LRP2BP: variants seen among roughly 807,000 people sequenced by gnomAD.
The protein encoded by LRP2BP is LRP2-binding protein.
LRP2BP carries 38 observed loss-of-function variants against 45.2 expected under a neutral mutation model. That is an observed-to-expected ratio of 0.84 (90% CI 0.65 to 1.10). The LOEUF (loss-of-function observed/expected upper bound fraction) is 1.10. LRP2BP is among the 50% of genes least tolerant of loss of function. The pLI is 0.00. For missense variants in LRP2BP, 385 were observed against 418.9 expected (o/e 0.92, Z 0.71); for synonymous variants, 153 against 153.9 (o/e 0.99, Z 0.04).
In LRP2BP at chr4:185,363,987, T is replaced by A. The variant is rs2095377701; in HGVS notation, c.*3193A>T. On this transcript the variant is annotated 3_prime_UTR_variant, in exon 9 of 9. Transcript: ENST00000505916. The surrounding 1 kb of genome is among the most constrained non-coding windows in gnomAD (Gnocchi z 4.2). Reference sequence around the variant, plus strand: ...ATGAATCACAGTGCTCTATGATATTTAAGATACTTATATCTCAAAGAGGTT... The same window carrying A: ...ATGAATCACAGTGCTCTATGATATTAAAGATACTTATATCTCAAAGAGGTT... 1 of 153,036 alleles carries A rather than the reference T, an allele frequency of 6.5e-6. No individual in the cohort carries two copies. The highest frequency in any genetic ancestry group is 2.1e-4 in the South Asian group (1 of 4,846). The allele number at this position is 153,036 out of a possible 1,614,324, so 9.5% of individuals were successfully genotyped here.
At chr4:185,393,977 G>C (rs1474840590) in intron 1 of LRP2BP, among the ~76,000 whole-genome samples, 1 of 152,026 alleles carries the variant, frequency 6.6e-6, no homozygotes, top group Non-Finnish European at 1.5e-5. Context: ...ACTCTTTTGC[G>C]GCCAGGCATG....
intron 1 of LRP2BP, among the ~76,000 whole-genome samples, chr4:185,385,764 G>A (rs917601162): frequency 2.6e-5 from 4 of 152,164 alleles, no homozygotes; most frequent in South Asian, 2.1e-4. Flanking sequence ...AGCTGGGTGC[G>A]GTAGTAGGCG....
rs575590557 is a variant in LRP2BP at position 185,394,918 on chromosome 4, T to C, written c.-161A>G. The C allele has an allele frequency of 7.1e-6, 7 of 985,352 alleles. No individual in the cohort carries two copies. Among genetic ancestry groups the C allele is most frequent in the Non-Finnish European group, 8.4e-6 (7 of 829,954 alleles). The allele number at this position is 985,352 out of a possible 1,614,324, so 61.0% of individuals were successfully genotyped here. ...AATATGCATCTTAGATCATCTTCCGTTTTAGAAAATTGATCCCACCTGCTA... is the reference window on the plus strand; with the variant it reads ...AATATGCATCTTAGATCATCTTCCGCTTTAGAAAATTGATCCCACCTGCTA... On this transcript the variant is annotated 5_prime_UTR_variant, in exon 1 of 9. Coordinates refer to ENST00000505916, the MANE Select transcript of LRP2BP (RefSeq NM_001377440.1).
chr4:185,367,303 C>CA, intron 8 of LRP2BP, 58 bp from the exon 9 acceptor site: 1 of 1,105,342 alleles, frequency 9.0e-7, no homozygotes, highest in Non-Finnish European at 1.3e-6. Flanking sequence ...GGTCTTTCTT[C>CA]TTTTTTTTTT....
intron 1 of LRP2BP, among the ~76,000 whole-genome samples, chr4:185,381,236 T>C (rs916801302): frequency 6.6e-6 from 1 of 152,244 alleles, no homozygotes; most frequent in African/African-American, 2.4e-5. Flanking sequence ...TGACATTGAT[T>C]CATCCATTTT....
intron 1 of LRP2BP, among the ~76,000 whole-genome samples, chr4:185,383,637 G>C (rs2126826340): frequency 6.6e-6 from 1 of 152,334 alleles, no homozygotes; most frequent in East Asian, 1.9e-4. Context: ...TCAGGAACTT[G>C]GCACTTCCAT....
upstream of LRP2BP, chr4:185,396,822 C>G (rs1240390113): frequency 1.5e-6 from 2 of 1,300,444 alleles, no homozygotes; most frequent in African/African-American, 1.5e-5. Context: ...TTTAAATTCT[C>G]CCGTGCTAGG....
At chr4:185,370,976 A>G in intron 7 of LRP2BP, 162 bp from the exon 8 acceptor site, 3 of 632,040 alleles carry the variant, frequency 4.7e-6, no homozygotes. Flanking sequence ...TAGGCACCTC[A>G]TACCAGGAGA....
chr4:185,375,858 A>G (rs73029523), intron 3 of LRP2BP, 132 bp from the exon 4 acceptor site: 28,553 of 493,030 alleles, frequency 0.058, 1,147 homozygotes, highest in African/African-American at 0.13. Context: ...ATCTGAACCC[A>G]TGCCCCACGC....
intron 7 of LRP2BP, among the ~76,000 whole-genome samples, chr4:185,371,975 G>A (rs2095417637): frequency 6.6e-6 from 1 of 152,192 alleles, no homozygotes; most frequent in Admixed American, 6.5e-5. Flanking sequence ...ACCCAGGTCT[G>A]TCTCCCCGAC....
chr4:185,391,674 C>G (rs1205690507), intron 1 of LRP2BP, among the ~76,000 whole-genome samples: 1 of 152,198 alleles, frequency 6.6e-6, no homozygotes, highest in Admixed American at 6.5e-5. Context: ...CTTACTGGAA[C>G]AAGTACCAGT....
Position 185,367,203 on chromosome 4 carries a change from A to T in LRP2BP, c.1021T>A (p.Leu341Ile). The T allele has an allele frequency of 6.2e-7, 1 of 1,613,462 alleles. No individual in the cohort carries two copies. The highest frequency in any genetic ancestry group is 8.5e-7 in the Non-Finnish European group (1 of 1,179,600). The change falls in exon 9 of 9, where the codon TTA becomes ATA. Residue 341 changes from leucine to isoleucine, a missense_variant. Physicochemically the swap from Leu to Ile is conservative, Grantham distance 5. Transcript: ENST00000505916. Reference protein sequence around the residue: ...NPALADELHSLLIRQRI With the variant: ...NPALADELHSILIRQRI Reference sequence around the variant, plus strand: ...GTCTAAATTCTTTGACGAATAAGTAAGGAGTGAAGTTCATCTGCCAATGCG... The same window carrying T: ...GTCTAAATTCTTTGACGAATAAGTATGGAGTGAAGTTCATCTGCCAATGCG...
intron 1 of LRP2BP, among the ~76,000 whole-genome samples, chr4:185,390,023 T>C (rs2095484012): frequency 6.6e-6 from 1 of 152,100 alleles, no homozygotes; most frequent in African/African-American, 2.4e-5. Flanking sequence ...CCAGATTAGG[T>C]TTCTTTAAAA....
intron 6 of LRP2BP, among the ~76,000 whole-genome samples, chr4:185,373,320 A>C (rs542603132): frequency 3.9e-5 from 6 of 152,322 alleles, no homozygotes; most frequent in African/African-American, 1.4e-4. Flanking sequence ...CTTATGGCAG[A>C]GGAAGACCAG....
At chr4:185,391,124 C>A (rs2095487248) in intron 1 of LRP2BP, among the ~76,000 whole-genome samples, 2 of 152,200 alleles carry the variant, frequency 1.3e-5, no homozygotes, top group African/African-American at 4.8e-5. Flanking sequence ...TTGAGGAATA[C>A]TAGCCGTGTA....
intron 1 of LRP2BP, among the ~76,000 whole-genome samples, chr4:185,380,187 T>C (rs1467798660): frequency 6.6e-6 from 1 of 150,600 alleles, no homozygotes; most frequent in Non-Finnish European, 1.5e-5. Flanking sequence ...TAGATATTTA[T>C]TATGTTTTGG....
intron 2 of LRP2BP, 33 bp from the exon 3 acceptor site, chr4:185,377,051 C>T (rs1191861573): frequency 2.2e-6 from 3 of 1,390,670 alleles, no homozygotes; most frequent in Non-Finnish European, 2.0e-6. Context: ...TTCCATCAAC[C>T]ACACAATATG....
intron 1 of LRP2BP, among the ~76,000 whole-genome samples, chr4:185,392,546 A>C (rs1457685877): frequency 6.6e-6 from 1 of 152,132 alleles, no homozygotes; most frequent in Non-Finnish European, 1.5e-5. Flanking sequence ...GTGGCATTGC[A>C]ATGAAGCCCA....
intron 1 of LRP2BP, among the ~76,000 whole-genome samples, chr4:185,379,812 T>TTCTGTCTCTCTC (rs1554019359): frequency 1.3e-5 from 2 of 149,708 alleles, no homozygotes; most frequent in African/African-American, 4.9e-5. Context: ...ACCTGCGCAC[T>TTCTGTCTCTCTC]TCTCTCTCTC....
Sources: gnomAD v4.1 joint callset for allele counts (sites outside exome capture counted in the v4.1 genomes callset) on GRCh38, gnomAD v4.1.1 for gene constraint, Gnocchi (gnomAD v3.1) non-coding constraint, MANE v1.5 for transcripts, NCBI Gene and HGNC (gene_info 2026-07-23, HGNC 2026-07-21) for gene names.